The following TSPOAP1 variants were observed in gnomAD, a reference collection of about 807,000 sequenced individuals.
TSPOAP1 encodes the protein TSPO associated protein 1.
A neutral mutation model predicts 197.0 loss-of-function variants in TSPOAP1; 87 were observed. The observed-to-expected ratio is 0.44, with a 90% CI of 0.37 to 0.53. The LOEUF (loss-of-function observed/expected upper bound fraction) is 0.53. TSPOAP1 is among the 20% of genes least tolerant of loss of function. The probability of loss-of-function intolerance (pLI) is 0.00; values close to 1 mark genes in which losing one functional copy is unlikely to be tolerated. For missense variants in TSPOAP1, 2,174 were observed against 2,411.3 expected (o/e 0.90, Z 2.06); for synonymous variants, 913 against 998.9 (o/e 0.91, Z 1.62).
Position 58,312,526 on chromosome 17 carries a change from G to C in TSPOAP1, c.2295C>G (p.Pro765=), listed in dbSNP as rs761421392. The change falls in exon 17 of 32, where the codon CCC becomes CCG. Residue 765 remains proline (P), a synonymous_variant. Transcript: ENST00000343736. ...GGQSSVGRSQ[P]RPEEEDAGDE... The stretch of plus-strand genomic sequence containing the variant: ...CCCCTGCATCCTCCTCCTCAGGTCT[G>C]GGCTGGCTCCTTCCCACACTGCTTT... 9 of 1,602,714 alleles carry C rather than the reference G, an allele frequency of 5.6e-6. No individual in the cohort carries two copies. The East Asian group carries it at 2.0e-4, about 36-fold the overall frequency.
At chr17:58,310,232 C>T in intron 20 of TSPOAP1, 74 bp from the exon 21 acceptor site, 1 of 1,454,860 alleles carries the variant, frequency 6.9e-7, no homozygotes, top group Admixed American at 1.9e-5. Context: ...AGGGTCAGCC[C>T]CAGCCACAGT....
Position 58,326,260 on chromosome 17 carries a change from C to T in TSPOAP1, c.570+33G>A, listed in dbSNP as rs1183288149. On this transcript the variant is annotated intron_variant, in intron 3 of 31. Transcript: ENST00000343736. This position sits in a 1 kb window ranked among gnomAD's most constrained non-coding sequence, Gnocchi z 4.7. ...CCCTGGCTCCCCTCTTCCTTGGTCA[C>T]CCAGCCTCCGCCCAGCAGCCTCCTT... The T allele has an allele frequency of 8.1e-6, 13 of 1,611,570 alleles. No homozygotes were observed. The highest frequency in any genetic ancestry group is 1.1e-5 in the Non-Finnish European group (13 of 1,178,734).
At chr17:58,311,315 A>AACTGACAGCAGTG in intron 18 of TSPOAP1, 102 bp from the exon 19 acceptor site, 1 of 1,496,446 alleles carries the variant, frequency 6.7e-7, no homozygotes, top group Non-Finnish European at 9.0e-7. Flanking sequence ...AGTGGCAGCT[A>AACTGACAGCAGTG]GCATTACGCC....
In TSPOAP1 at chr17:58,305,230, G is replaced by A. The variant is rs763172388; in HGVS notation, c.5434-59C>T. The stretch of plus-strand genomic sequence containing the variant: ...GAAAGAGGCTCTGGCCCTGCCCCTC[G>A]ACTCTGATGCCCCTGGGGAACAGCT... On this transcript the variant is annotated intron_variant, in intron 29 of 31. Coordinates refer to ENST00000343736, the MANE Select transcript of TSPOAP1 (RefSeq NM_004758.4). 34 of 1,498,194 alleles carry A rather than the reference G, an allele frequency of 2.3e-5. No individual in the cohort carries two copies. The East Asian group carries it at 3.6e-4, about 16-fold the overall frequency. The allele number at this position is 1,498,194 out of a possible 1,614,324, so 92.8% of individuals were successfully genotyped here. A position where few individuals can be genotyped will look rare whatever the true frequency, so the allele number is the denominator to read the frequency against.
chr17:58,302,640 G>A (rs755148847), intron 31 of TSPOAP1, 193 bp from the exon 32 acceptor site: 6 of 266,396 alleles, frequency 2.3e-5, no homozygotes, highest in Admixed American at 5.2e-5. Flanking sequence ...GGGTGATGCC[G>A]AGGGAGCACT....
At position 58,304,409 on chromosome 17, in the gene TSPOAP1, G is replaced by A; in HGVS notation, c.5545-10C>T. ...TTCTCCTCCTCGTTCTCTGAGGACA[G>A]GGAACAAAGAGAGGAGATGGGTTAC... On this transcript the variant is annotated splice_polypyrimidine_tract_variant and intron_variant, in intron 30 of 31. Coordinates refer to ENST00000343736, the MANE Select transcript of TSPOAP1 (RefSeq NM_004758.4). This position sits in a 1 kb window ranked among gnomAD's most constrained non-coding sequence, Gnocchi z 4.2. The A allele has an allele frequency of 6.2e-7, 1 of 1,612,356 alleles. No homozygotes were observed. The highest frequency in any genetic ancestry group is 1.1e-5 in the South Asian group (1 of 91,042).
chr17:58,325,761 C>T (rs1567852155), intron 3 of TSPOAP1, 48 bp from the exon 4 acceptor site: 27 of 1,538,844 alleles, frequency 1.8e-5, no homozygotes, highest in Non-Finnish European at 2.3e-5. Flanking sequence ...GGCTGGGGCA[C>T]TTCTCCCACT....
In TSPOAP1 at chr17:58,309,828, T is replaced by C; in HGVS notation, c.3891+139A>G. On this transcript the variant is annotated intron_variant, in intron 21 of 31. Coordinates refer to ENST00000343736, the MANE Select transcript of TSPOAP1 (RefSeq NM_004758.4). This position sits in a 1 kb window ranked among gnomAD's most constrained non-coding sequence, Gnocchi z 5.0. ...GGCCAATCCTGGGGCACTTCCTATCTTCTGCTTAGGACAGGGCCCAGGCCA... is the reference window on the plus strand; with the variant it reads ...GGCCAATCCTGGGGCACTTCCTATCCTCTGCTTAGGACAGGGCCCAGGCCA... The C allele has an allele frequency of 8.5e-7, 1 of 1,179,238 alleles. No individual in the cohort carries two copies. 73.0% of individuals were successfully genotyped at this position (1,179,238 alleles called of 1,614,324 possible).
At position 58,319,264 on chromosome 17, in the gene TSPOAP1, G is replaced by T. The variant is rs372635665; in HGVS notation, c.1525C>A (p.Arg509Ser). The T allele has an allele frequency of 6.3e-7, 1 of 1,595,574 alleles. No individual in the cohort carries two copies. Among genetic ancestry groups the T allele is most frequent in the East Asian group, 2.3e-5 (1 of 43,600 alleles). ...ARVRELEEQC[R>S]SQTEQFSLLA... The stretch of plus-strand genomic sequence containing the variant: ...AGGCTGAACTGCTCGGTTTGGCTGC[G>T]GCACTGTTCTTCGAGCTCTCGAACC... Residue 509 changes from arginine (R) to serine (S), a missense_variant, in exon 13 of 32, where the codon CGC becomes AGC. Arg to Ser is a moderately radical substitution (Grantham distance 110). Around this residue, in one of 5 missense-constraint regions of TSPOAP1, gnomAD observed 1,933 missense variants for 2,139.0 expected, o/e 0.90. Transcript: ENST00000343736.
chr17:58,312,538 T>G lies in TSPOAP1; in HGVS notation c.2283A>C (p.Gly761=), dbSNP rs1971106675. ...CCTCCTCAGGTCTGGGCTGGCTCCT[T>G]CCCACACTGCTTTGGCCCCCGCTAC... ...GSSSGGQSSV[G]RSQPRPEEED... Residue 761 remains glycine (G), a synonymous_variant, in exon 17 of 32, where the codon GGA becomes GGC. Transcript: ENST00000343736. 1 of 1,605,276 alleles carries G rather than the reference T, an allele frequency of 6.2e-7. No homozygotes were observed. The highest frequency in any genetic ancestry group is 1.3e-5 in the African/African-American group (1 of 74,858).
chr17:58,327,241 C>T (rs1250184776), intron 1 of TSPOAP1, among the ~76,000 whole-genome samples: 1 of 152,144 alleles, frequency 6.6e-6, no homozygotes, highest in Non-Finnish European at 1.5e-5. Flanking sequence ...TCCACACTCC[C>T]CCTGTATCCC....
rs911291556 is a variant in TSPOAP1, at chr17:58,325,394, C to T, written c.750+140G>A. 5 of 1,077,986 alleles carry T rather than the reference C, an allele frequency of 4.6e-6. No individual in the cohort carries two copies. The Admixed American group carries it at 1.1e-4, about 23-fold the overall frequency. 66.8% of individuals were successfully genotyped at this position (1,077,986 alleles called of 1,614,324 possible). ...CCCTTCTCCCCTCTCCCACCTGGGC[C>T]GTTGCCAGGGGAACCTACTCCCAGC... On this transcript the variant is annotated intron_variant, in intron 4 of 31. Coordinates refer to ENST00000343736, the MANE Select transcript of TSPOAP1 (RefSeq NM_004758.4).
chr17:58,324,535 T>C lies in TSPOAP1; in HGVS notation c.942+276A>G, dbSNP rs576495936. On this transcript the variant is annotated intron_variant, in intron 5 of 31. Coordinates refer to ENST00000343736, the MANE Select transcript of TSPOAP1 (RefSeq NM_004758.4). This position sits in a 1 kb window ranked among gnomAD's most constrained non-coding sequence, Gnocchi z 5.8. ...GGGATTTGCGGCCGGGCCGTACCAC[T>C]GGCAGCGCGGCAGGGGCGGCCGGCC... 6.6e-6 allele frequency among the ~76,000 whole-genome samples: 1 copy of C among 151,900 alleles called. No individual in the cohort carries two copies. The highest frequency in any genetic ancestry group is 1.5e-5 in the Non-Finnish European group (1 of 67,872).
Position 58,318,457 on chromosome 17 carries a change from A to G in TSPOAP1, c.1700-5T>C. The G allele has an allele frequency of 1.2e-6, 2 of 1,610,932 alleles. No individual in the cohort carries two copies. The highest frequency in any genetic ancestry group is 1.7e-6 in the Non-Finnish European group (2 of 1,178,858). On this transcript the variant is annotated splice_region_variant and splice_polypyrimidine_tract_variant and intron_variant, in intron 13 of 31. Transcript: ENST00000343736. ...AGCCCGGCGGGAGGTCAAGGTCTAA[A>G]GAGAAGATGGCACGTGGGCTTGGGG...
In TSPOAP1 at chr17:58,326,874, C is replaced by T. The variant is rs1436740305; in HGVS notation, c.334-84G>A. The T allele has an allele frequency of 2.9e-5, 34 of 1,177,746 alleles. No homozygotes were observed. In the East Asian group the frequency reaches 8.0e-4, roughly 28 times the overall value. 73.0% of individuals were successfully genotyped at this position (1,177,746 alleles called of 1,614,324 possible). A position where few individuals can be genotyped will look rare whatever the true frequency, so the allele number is the denominator to read the frequency against. Reference sequence around the variant, plus strand: ...CTTCCCTGTGGAAGCATCCACCATCCATGGTCCAAGGAGACATGGAGATGA... The same window carrying T: ...CTTCCCTGTGGAAGCATCCACCATCTATGGTCCAAGGAGACATGGAGATGA... On this transcript the variant is annotated intron_variant, in intron 1 of 31. Transcript: ENST00000343736. The surrounding 1 kb of genome is among the most constrained non-coding windows in gnomAD (Gnocchi z 4.7).
Position 58,309,399 on chromosome 17 carries a change from T to A in TSPOAP1, c.3892-19A>T. 3 of 1,589,468 alleles carry A rather than the reference T, an allele frequency of 1.9e-6. No individual in the cohort carries two copies. Among genetic ancestry groups the A allele is most frequent in the Non-Finnish European group, 2.6e-6 (3 of 1,171,208 alleles). ...GCTGGGACTGGTGGAGGTGGGGAGG[T>A]GGGAGTAGAACACAGCAGGGAAGAG... On this transcript the variant is annotated intron_variant, in intron 21 of 31. Transcript: ENST00000343736. This position sits in a 1 kb window ranked among gnomAD's most constrained non-coding sequence, Gnocchi z 5.0.
intron 5 of TSPOAP1, 36 bp from the exon 6 acceptor site, chr17:58,323,581 G>C: frequency 6.2e-7 from 1 of 1,604,384 alleles, no homozygotes; most frequent in Middle Eastern, 1.7e-4. Flanking sequence ...TGGCACCTGA[G>C]AACAGGGCCC....
In TSPOAP1 at chr17:58,304,613, C is replaced by T. The variant is rs891942591; in HGVS notation, c.5545-214G>A. 6 of 593,434 alleles carry T rather than the reference C, an allele frequency of 1.0e-5. No homozygotes were observed. The highest frequency in any genetic ancestry group is 1.8e-5 in the Non-Finnish European group (6 of 330,286). 36.8% of individuals were successfully genotyped at this position (593,434 alleles called of 1,614,324 possible). On this transcript the variant is annotated intron_variant, in intron 30 of 31. Transcript: ENST00000343736. This position sits in a 1 kb window ranked among gnomAD's most constrained non-coding sequence, Gnocchi z 4.2. Reference sequence around the variant, plus strand: ...AGGCTTAGTTGTATTCCACTCACCCCAAGGAGAGGCAAGCTCAAGGAACGA... The same window carrying T: ...AGGCTTAGTTGTATTCCACTCACCCTAAGGAGAGGCAAGCTCAAGGAACGA...
intron 16 of TSPOAP1, among the ~76,000 whole-genome samples, chr17:58,315,619 C>T (rs971077080): frequency 2.6e-5 from 4 of 152,218 alleles, no homozygotes; most frequent in Non-Finnish European, 4.4e-5. Context: ...ATTCCTCCTT[C>T]GCATACCTGA....
Sources: allele counts gnomAD v4.1 joint callset (sites outside exome capture counted in the v4.1 genomes callset), GRCh38; gene constraint gnomAD v4.1.1; regional missense constraint gnomAD v4.1.1; non-coding constraint Gnocchi (gnomAD v3.1); transcripts MANE v1.5; gene names NCBI Gene and HGNC (gene_info 2026-07-23, HGNC 2026-07-21).